Variants in PIP5K1B observed in about 807,000 individuals in gnomAD.
The protein encoded by PIP5K1B is phosphatidylinositol-4-phosphate 5-kinase type 1 beta.
A neutral mutation model predicts 67.0 loss-of-function variants in PIP5K1B; 42 were observed. The ratio of observed to expected loss-of-function variants is 0.63; its 90% CI spans 0.49 to 0.81. The LOEUF (loss-of-function observed/expected upper bound fraction) is 0.81. PIP5K1B is among the 30% of genes least tolerant of loss of function. The pLI, the probability that PIP5K1B is intolerant of heterozygous loss-of-function variation, is 0.00. For synonymous variants in PIP5K1B, 214 were observed against 231.4 expected, an observed-to-expected ratio of 0.92 and a Z score of 0.68; for missense variants, 459 against 646.3, an observed-to-expected ratio of 0.71 and a Z score of 3.14.
intron 4 of PIP5K1B, among the ~76,000 whole-genome samples, chr9:68,862,048 G>A (rs115921940): frequency 6.6e-6 from 1 of 152,282 alleles, no homozygotes; most frequent in East Asian, 1.9e-4. Flanking sequence ...TGTCAAGGAT[G>A]TAGATAGTCG....
chr9:68,747,680 G>A (rs961560291), intron 2 of PIP5K1B, among the ~76,000 whole-genome samples: 9 of 152,020 alleles, frequency 5.9e-5, no homozygotes, highest in African/African-American at 9.7e-5. Context: ...AATCAGAAGC[G>A]AATTTTAAAA....
chr9:68,973,002 A>G (rs1291299454), intron 14 of PIP5K1B, among the ~76,000 whole-genome samples: 1 of 152,246 alleles, frequency 6.6e-6, no homozygotes, highest in Non-Finnish European at 1.5e-5. Context: ...TATTATTTAC[A>G]TCAACCCTGT....
intron 13 of PIP5K1B, among the ~76,000 whole-genome samples, chr9:68,939,177 G>A (rs952961773): frequency 1.3e-5 from 2 of 152,174 alleles, no homozygotes; most frequent in African/African-American, 4.8e-5. Context: ...AAGCATATGG[G>A]AGCATGAGGA....
chr9:68,915,083 A>G (rs1328440340), intron 8 of PIP5K1B, among the ~76,000 whole-genome samples: 1 of 152,230 alleles, frequency 6.6e-6, no homozygotes, highest in African/African-American at 2.4e-5. Flanking sequence ...GCATTGTCAC[A>G]TTTAATTTTT....
intron 1 of PIP5K1B, among the ~76,000 whole-genome samples, chr9:68,718,889 T>C (rs1194838544): frequency 6.6e-6 from 1 of 152,202 alleles, no homozygotes; most frequent in Non-Finnish European, 1.5e-5. Context: ...CCTTCACTCA[T>C]TGTTGGCTAT....
In PIP5K1B at chr9:68,714,048, G is replaced by T. The variant is rs575731116; in HGVS notation, c.-243+8286G>T. ...CCATACTCTTTTTCTCTGTTTCATG[G>T]TGTAGCACCTCAAAGTACAGTTTTG... On this transcript the variant is annotated intron_variant, in intron 1 of 15. Coordinates refer to ENST00000265382, the MANE Select transcript of PIP5K1B (RefSeq NM_003558.4). Among the ~76,000 whole-genome samples, 18 of 152,300 alleles carry T rather than the reference G, an allele frequency of 1.2e-4. No individual in the cohort carries two copies. The South Asian group carries it at 2.1e-3, about 18-fold the overall frequency.
chr9:68,917,045 T>C (rs899899988), intron 8 of PIP5K1B, among the ~76,000 whole-genome samples: 1 of 152,160 alleles, frequency 6.6e-6, no homozygotes, highest in Non-Finnish European at 1.5e-5. Flanking sequence ...GTAGAGACTA[T>C]TGGTTGTTGG....
intron 2 of PIP5K1B, among the ~76,000 whole-genome samples, chr9:68,776,758 T>G (rs568139684): frequency 8.7e-4 from 132 of 152,316 alleles, no homozygotes; most frequent in Non-Finnish European, 1.5e-3. Context: ...CTTGACTAAG[T>G]GTGGTATTTA....
At chr9:68,998,292 C>A (rs934830765) in intron 15 of PIP5K1B, among the ~76,000 whole-genome samples, 1 of 152,086 alleles carries the variant, frequency 6.6e-6, no homozygotes, top group Non-Finnish European at 1.5e-5. Context: ...CGACCTCAAG[C>A]GATCCGCCCA....
At chr9:68,900,753 A>G (rs1179224290) in intron 8 of PIP5K1B, among the ~76,000 whole-genome samples, 1 of 152,098 alleles carries the variant, frequency 6.6e-6, no homozygotes, top group Admixed American at 6.5e-5. Context: ...TGTGGAACCA[A>G]TTTTCTTTTT....
At chr9:68,736,790 C>A (rs1828760830) in intron 1 of PIP5K1B, among the ~76,000 whole-genome samples, 1 of 152,222 alleles carries the variant, frequency 6.6e-6, no homozygotes, top group South Asian at 2.1e-4. Context: ...TTTGGATAAT[C>A]TCCCCATTTT....
chr9:68,736,928 G>T (rs2132305369), intron 1 of PIP5K1B, among the ~76,000 whole-genome samples: 1 of 152,330 alleles, frequency 6.6e-6, no homozygotes, highest in South Asian at 2.1e-4. Flanking sequence ...CTGATGTTTT[G>T]TAGTTTACTT....
At chr9:68,710,373 AT>A (rs958590611) in intron 1 of PIP5K1B, among the ~76,000 whole-genome samples, 1 of 151,648 alleles carries the variant, frequency 6.6e-6, no homozygotes, top group Non-Finnish European at 1.5e-5. Flanking sequence ...CTTCTGTTTT[AT>A]TTTTTTTCTT....
chr9:68,849,488 C>T (rs1299878867), intron 4 of PIP5K1B, among the ~76,000 whole-genome samples: 2 of 152,206 alleles, frequency 1.3e-5, no homozygotes, highest in African/African-American at 4.8e-5. Flanking sequence ...TTAAGTAATC[C>T]TCCTGCCTCA....
chr9:68,826,899 A>G (rs1416053771), intron 4 of PIP5K1B, among the ~76,000 whole-genome samples: 2 of 150,688 alleles, frequency 1.3e-5, no homozygotes. Flanking sequence ...CTACAGGTGC[A>G]TGCCGCCACG....
intron 2 of PIP5K1B, among the ~76,000 whole-genome samples, chr9:68,815,353 C>A: frequency 6.7e-6 from 1 of 149,448 alleles, no homozygotes. Flanking sequence ...TTATTAATGA[C>A]GAAAGCTAAA....
chr9:68,976,214 T>G (rs1434650398), intron 14 of PIP5K1B, among the ~76,000 whole-genome samples: 1 of 152,232 alleles, frequency 6.6e-6, no homozygotes, highest in African/African-American at 2.4e-5. Flanking sequence ...TGTTTCCTGT[T>G]CACTGTGTCT....
At chr9:68,909,990 C>A (rs2132479269) in intron 8 of PIP5K1B, among the ~76,000 whole-genome samples, 1 of 152,268 alleles carries the variant, frequency 6.6e-6, no homozygotes, top group South Asian at 2.1e-4. Context: ...TCCATAAGAA[C>A]CCCTATGACA....
At chr9:68,776,356 T>G (rs1053756632) in intron 2 of PIP5K1B, among the ~76,000 whole-genome samples, 7 of 152,218 alleles carry the variant, frequency 4.6e-5, no homozygotes, top group African/African-American at 1.7e-4. Context: ...AAGTGCCTAC[T>G]CCCTGCTAGT....
Sources: allele counts gnomAD v4.1 joint callset (sites outside exome capture counted in the v4.1 genomes callset), GRCh38; gene constraint gnomAD v4.1.1; transcripts MANE v1.5; gene names NCBI Gene and HGNC (gene_info 2026-07-23, HGNC 2026-07-21).